COP1: variants seen among roughly 807,000 people sequenced by gnomAD.
COP1 encodes E3 ubiquitin-protein ligase COP1.
COP1 carries 24 observed loss-of-function variants against 101.3 expected under a neutral mutation model. The ratio of observed to expected loss-of-function variants is 0.24; its 90% CI spans 0.17 to 0.33. The LOEUF (loss-of-function observed/expected upper bound fraction) is 0.33, where lower values mean the gene tolerates loss of function less well. Ranked by LOEUF, COP1 falls within the 10% of genes least tolerant of loss-of-function variation. The probability of loss-of-function intolerance (pLI) is 1.00; values close to 1 mark genes in which losing one functional copy is unlikely to be tolerated. For synonymous variants in COP1, 347 were observed against 341.9 expected, an observed-to-expected ratio of 1.01 and a Z score of -0.17; for missense variants, 663 against 906.2, an observed-to-expected ratio of 0.73 and a Z score of 3.45.
chr1:176,095,978 A>G (rs773963241), intron 9 of COP1, among the ~76,000 whole-genome samples: 1 of 152,238 alleles, frequency 6.6e-6, no homozygotes, highest in Middle Eastern at 3.2e-3. Context: ...ATTCTGTGAC[A>G]AAATGAGAAG....
intron 5 of COP1, among the ~76,000 whole-genome samples, chr1:176,158,934 C>T (rs1385990493): frequency 1.3e-5 from 2 of 152,108 alleles, no homozygotes; most frequent in Non-Finnish European, 1.5e-5. Flanking sequence ...AGCCACTGTG[C>T]CTGGCCTAAG....
intron 18 of COP1, among the ~76,000 whole-genome samples, chr1:175,969,675 T>C (rs983264139): frequency 2.6e-5 from 4 of 152,186 alleles, no homozygotes; most frequent in African/African-American, 9.7e-5. Flanking sequence ...ACGTAAAACT[T>C]CTATGTCATG....
At chr1:176,071,549 A>G (rs1677014746) in intron 11 of COP1, among the ~76,000 whole-genome samples, 1 of 152,180 alleles carries the variant, frequency 6.6e-6, no homozygotes, top group Non-Finnish European at 1.5e-5. Context: ...TAAGCATAAA[A>G]ATATTCTAGA....
intron 9 of COP1, among the ~76,000 whole-genome samples, chr1:176,101,210 G>C (rs1260620725): frequency 6.6e-6 from 1 of 151,888 alleles, no homozygotes; most frequent in Non-Finnish European, 1.5e-5. Context: ...ACCCTATCGT[G>C]GCTGGTGGGA....
intron 19 of COP1, among the ~76,000 whole-genome samples, chr1:175,945,477 T>A (rs1249965521): frequency 6.6e-6 from 1 of 152,244 alleles, no homozygotes; most frequent in Non-Finnish European, 1.5e-5. Context: ...GGAATATATG[T>A]TGGAATCTTT....
chr1:176,178,554 A>C (rs1249675414), intron 2 of COP1, among the ~76,000 whole-genome samples: 1 of 152,174 alleles, frequency 6.6e-6, no homozygotes, highest in African/African-American at 2.4e-5. Flanking sequence ...CTGAAAGGTT[A>C]TTAAAGATAA....
rs375854904 is a variant in COP1 at position 176,103,943 on chromosome 1, TG to T, written c.1026+12680del. ...AGATAAACTGATACTAAAGTTCCTA[TG>T]AAAAAACAAACAGGAAGAAATATTC... On this transcript the variant is annotated intron_variant, in intron 9 of 19. Transcript: ENST00000367669. 1.9e-3 allele frequency among the ~76,000 whole-genome samples: 290 copies of T among 151,860 alleles called. 3 individuals are homozygous for T. The highest frequency in any genetic ancestry group is 6.8e-3 in the African/African-American group (280 of 41,412).
chr1:175,953,323 C>T (rs1004727804), intron 18 of COP1, among the ~76,000 whole-genome samples: 8 of 151,702 alleles, frequency 5.3e-5, no homozygotes, highest in Non-Finnish European at 1.0e-4. Context: ...AACATAGGAA[C>T]TTAGAGAAGA....
chr1:176,075,417 A>G (rs887022017), intron 11 of COP1, among the ~76,000 whole-genome samples: 1 of 152,230 alleles, frequency 6.6e-6, no homozygotes, highest in Non-Finnish European at 1.5e-5. Flanking sequence ...GCAATATTTG[A>G]CACGTTAAAA....
chr1:175,985,532 A>G (rs559147666), intron 18 of COP1, among the ~76,000 whole-genome samples: 2 of 152,176 alleles, frequency 1.3e-5, no homozygotes. Context: ...GACTTAAAAC[A>G]AAGTAATCAC....
At chr1:176,073,285 C>A (rs1228257755) in intron 11 of COP1, among the ~76,000 whole-genome samples, 1 of 152,136 alleles carries the variant, frequency 6.6e-6, no homozygotes, top group Admixed American at 6.6e-5. Context: ...ATGAATGCCA[C>A]CATAGATAAC....
intron 9 of COP1, among the ~76,000 whole-genome samples, chr1:176,095,848 T>C (rs1301790506): frequency 2.0e-5 from 3 of 152,194 alleles, no homozygotes; most frequent in Non-Finnish European, 4.4e-5. Flanking sequence ...ATTCATAATT[T>C]TTTTTAAAAA....
chr1:176,087,497 T>C (rs1348801420), intron 9 of COP1, among the ~76,000 whole-genome samples: 1 of 152,036 alleles, frequency 6.6e-6, no homozygotes, highest in Non-Finnish European at 1.5e-5. Context: ...AACAGACACA[T>C]GAAAAAGTGA....
intron 14 of COP1, among the ~76,000 whole-genome samples, chr1:176,033,940 C>A (rs372904962): frequency 1.2e-4 from 19 of 152,012 alleles, no homozygotes; most frequent in African/African-American, 4.1e-4. Context: ...TTTATATGAT[C>A]GCCAAACAGA....
intron 11 of COP1, among the ~76,000 whole-genome samples, chr1:176,052,722 C>A (rs1672777674): frequency 6.6e-6 from 1 of 152,138 alleles, no homozygotes; most frequent in African/African-American, 2.4e-5. Flanking sequence ...TGTAGGCAAC[C>A]AATAATTTCA....
rs60677673 is a variant in COP1, at chr1:176,039,065, C to T, written c.1612+4121G>A. On this transcript the variant is annotated intron_variant, in intron 14 of 19. Transcript: ENST00000367669. ...ATGGAACTTTTAGGAGGACACACCA[C>T]ATTCTGGGGCCATAAAACACATCTT... 1.1e-4 allele frequency among the ~76,000 whole-genome samples: 16 copies of T among 152,248 alleles called. No homozygotes were observed. The East Asian group carries it at 3.1e-3, about 29-fold the overall frequency.
At chr1:176,114,969 C>A (rs1046879710) in intron 9 of COP1, among the ~76,000 whole-genome samples, 3 of 151,974 alleles carry the variant, frequency 2.0e-5, no homozygotes, top group Non-Finnish European at 4.4e-5. Flanking sequence ...TATGTGGGTA[C>A]CTTACTCAAA....
chr1:176,015,672 A>C lies in COP1; in HGVS notation c.1729+11900T>G, dbSNP rs148239998. ...CTAGAGATAACTCAATTCCTGCCTA[A>C]GCTGGATATGACTGCAGGGAAAGCA... On this transcript the variant is annotated intron_variant, in intron 15 of 19. Coordinates refer to ENST00000367669, the MANE Select transcript of COP1 (RefSeq NM_022457.7). 2.6e-3 allele frequency among the ~76,000 whole-genome samples: 400 copies of C among 152,330 alleles called. 3 individuals are homozygous for C. Among genetic ancestry groups the C allele is most frequent in the African/African-American group, 9.2e-3 (382 of 41,594 alleles).
chr1:176,132,459 T>C (rs1162551966), intron 8 of COP1, among the ~76,000 whole-genome samples: 2 of 151,480 alleles, frequency 1.3e-5, no homozygotes, highest in Non-Finnish European at 3.0e-5. Context: ...ATTTTGTCAT[T>C]ATGTGATCAT....
Sources: gnomAD v4.1 joint callset for allele counts (sites outside exome capture counted in the v4.1 genomes callset) on GRCh38, gnomAD v4.1.1 for gene constraint, MANE v1.5 for transcripts, NCBI Gene and HGNC (gene_info 2026-07-23, HGNC 2026-07-21) for gene names.